RYR3: variants seen among roughly 807,000 people sequenced by gnomAD.
RYR3 encodes ryanodine receptor 3.
Under a neutral mutation model 584.3 loss-of-function variants are expected in RYR3, and 207 were observed. The observed-to-expected ratio is 0.35, with a 90% CI of 0.32 to 0.40. The LOEUF (loss-of-function observed/expected upper bound fraction) is 0.40. RYR3 is among the 10% of genes least tolerant of loss of function. The pLI, the probability that RYR3 is intolerant of heterozygous loss-of-function variation, is 1.00. For synonymous variants in RYR3, 2,416 were observed against 2,248.5 expected, an observed-to-expected ratio of 1.07 and a Z score of -2.11; for missense variants, 5,616 against 6,089.2, an observed-to-expected ratio of 0.92 and a Z score of 2.59.
intron 38 of RYR3, among the ~76,000 whole-genome samples, chr15:33,671,480 C>T (rs908432757): frequency 6.6e-5 from 10 of 152,174 alleles, no homozygotes; most frequent in Admixed American, 2.0e-4. Context: ...CCCTTTATAT[C>T]GACCTTTCAA....
At position 33,639,497 on chromosome 15, in the gene RYR3, T is replaced by C. The variant is rs117488350; in HGVS notation, c.3556+2947T>C. Among the ~76,000 whole-genome samples the C allele has an allele frequency of 2.8e-4, 42 of 152,290 alleles. No individual in the cohort carries two copies. In the East Asian group the frequency reaches 7.9e-3, roughly 29 times the overall value. On this transcript the variant is annotated intron_variant, in intron 27 of 103. Transcript: ENST00000634891. ...TGGAAAGAGGTAGCAATTCTTGCCTTGAGTTGTTAAGAAAAGCATCTGTTG... is the reference window on the plus strand; with the variant it reads ...TGGAAAGAGGTAGCAATTCTTGCCTCGAGTTGTTAAGAAAAGCATCTGTTG...
At chr15:33,861,035 T>C (rs1486672687) in intron 101 of RYR3, 43 bp from the exon 102 acceptor site, 7 of 1,395,114 alleles carry the variant, frequency 5.0e-6, no homozygotes, top group Non-Finnish European at 7.0e-6. Flanking sequence ...CTCCTGCCTA[T>C]ATTATGCCAA....
intron 9 of RYR3, among the ~76,000 whole-genome samples, chr15:33,549,068 CGTT>C (rs1475446136): frequency 2.8e-5 from 2 of 71,580 alleles, no homozygotes; most frequent in Non-Finnish European, 4.2e-5. Flanking sequence ...CATATGCACA[CGTT>C]TTTTTTTTCT....
At chr15:33,794,326 T>A (rs1404434952) in intron 67 of RYR3, among the ~76,000 whole-genome samples, 1 of 31,768 alleles carries the variant, frequency 3.1e-5, no homozygotes, top group East Asian at 0.024. Context: ...TATATATTTT[T>A]ATATATGTTT....
At chr15:33,748,386 T>G in intron 54 of RYR3, 82 bp from the exon 55 acceptor site, 1 of 1,541,978 alleles carries the variant, frequency 6.5e-7, no homozygotes, top group Non-Finnish European at 8.9e-7. Flanking sequence ...TCAGGACACA[T>G]TTTTGACAGC....
At chr15:33,649,930 G>A (rs139737533) in intron 31 of RYR3, among the ~76,000 whole-genome samples, 7 of 152,308 alleles carry the variant, frequency 4.6e-5, no homozygotes, top group Admixed American at 6.5e-5. Flanking sequence ...CATATGTAGC[G>A]ATGTCATAAG....
At chr15:33,403,663 A>G (rs1016427644) in intron 1 of RYR3, among the ~76,000 whole-genome samples, 1 of 152,254 alleles carries the variant, frequency 6.6e-6, no homozygotes, top group Admixed American at 6.5e-5. Context: ...ATGTAATTTT[A>G]GAAAACATAA....
In RYR3 at chr15:33,856,488, T is replaced by G. The variant is rs549992348; in HGVS notation, c.14008-1292T>G. ...TGGAAGTAAGCGTGCCCTAGGACACTGCAAAGGGCCTGGGCAGAATTCTCT... is the reference window on the plus strand; with the variant it reads ...TGGAAGTAAGCGTGCCCTAGGACACGGCAAAGGGCCTGGGCAGAATTCTCT... On this transcript the variant is annotated intron_variant, in intron 98 of 103. Transcript: ENST00000634891. 4 of 152,416 alleles carry G rather than the reference T, an allele frequency of 2.6e-5. No homozygotes were observed. The East Asian group carries it at 7.7e-4, about 29-fold the overall frequency. The allele number at this position is 152,416 out of a possible 1,614,324, so 9.4% of individuals were successfully genotyped here. A position where few individuals can be genotyped will look rare whatever the true frequency, so the allele number is the denominator to read the frequency against.
At position 33,838,867 on chromosome 15, in the gene RYR3, C is replaced by G. The variant is rs770116543; in HGVS notation, c.12887C>G (p.Pro4296Arg). ...AAAGAGGGCAGCTTAAAGCATGGGC[C>G]TGAAGTGGGTTTGGGTGACCTCTCA... ...PKKEGSLKHG[P>R]EVGLGDLSEI... The change falls in exon 89 of 104, where the codon CCT becomes CGT. Residue 4296 changes from proline (P) to arginine (R), a missense_variant. This residue lies in a region of RYR3 where 918 missense variants were observed against 887.4 expected (regional missense o/e 1.03). Coordinates refer to ENST00000634891, the MANE Select transcript of RYR3 (RefSeq NM_001036.6). The G allele has an allele frequency of 1.4e-5, 23 of 1,613,848 alleles. No individual in the cohort carries two copies. Among genetic ancestry groups the G allele is most frequent in the African/African-American group, 2.7e-5 (2 of 74,914 alleles).
At chr15:33,623,719 G>A (rs2060842580) in intron 19 of RYR3, 88 bp from the exon 20 acceptor site, 8 of 901,122 alleles carry the variant, frequency 8.9e-6, no homozygotes, top group Non-Finnish European at 1.2e-5. Context: ...TTGAGGGTGG[G>A]AGGTAGGGAT....
intron 3 of RYR3, among the ~76,000 whole-genome samples, chr15:33,511,880 G>T (rs1219595836): frequency 6.6e-6 from 1 of 152,126 alleles, no homozygotes; most frequent in African/African-American, 2.4e-5. Context: ...CCGGGTTCAC[G>T]CCATTCTCCT....
At chr15:33,774,538 A>G (rs2073860441) in intron 64 of RYR3, among the ~76,000 whole-genome samples, 1 of 152,232 alleles carries the variant, frequency 6.6e-6, no homozygotes, top group Non-Finnish European at 1.5e-5. Flanking sequence ...AAGATGAAAT[A>G]AAAGACTTCA....
intron 67 of RYR3, among the ~76,000 whole-genome samples, chr15:33,790,960 C>G (rs1182065697): frequency 2.6e-5 from 4 of 152,126 alleles, no homozygotes; most frequent in Non-Finnish European, 5.9e-5. Flanking sequence ...AAGATGAGAA[C>G]TGAGACTGGG....
chr15:33,862,071 CAG>C (rs1236972842), intron 102 of RYR3, among the ~76,000 whole-genome samples: 1 of 151,952 alleles, frequency 6.6e-6, no homozygotes, highest in African/African-American at 2.4e-5. Context: ...AAACTTAAAA[CAG>C]AATGTATAGA....
At chr15:33,691,451 A>G (rs927239623) in intron 38 of RYR3, among the ~76,000 whole-genome samples, 1 of 152,234 alleles carries the variant, frequency 6.6e-6, no homozygotes, top group Admixed American at 6.5e-5. Flanking sequence ...TTTTCACTTG[A>G]AAGGTCAAAT....
At chr15:33,547,882 C>T (rs2056365077) in intron 8 of RYR3, among the ~76,000 whole-genome samples, 1 of 152,134 alleles carries the variant, frequency 6.6e-6, no homozygotes, top group Non-Finnish European at 1.5e-5. Context: ...CCCTTGTATA[C>T]CTGATGATGC....
At chr15:33,687,576 A>T (rs2152749974) in intron 38 of RYR3, among the ~76,000 whole-genome samples, 1 of 152,322 alleles carries the variant, frequency 6.6e-6, no homozygotes, top group East Asian at 1.9e-4. Context: ...TAAAGTTAAT[A>T]TGGAACCAAA....
At position 33,748,190 on chromosome 15, in the gene RYR3, C is replaced by G. The variant is rs1249446520; in HGVS notation, c.8066C>G (p.Thr2689Ser). 6 of 1,613,742 alleles carry G rather than the reference C, an allele frequency of 3.7e-6. No individual in the cohort carries two copies. Among genetic ancestry groups the G allele is most frequent in the Non-Finnish European group, 4.2e-6 (5 of 1,179,848 alleles). ...GCTGTGGGCTGGACTGTGGAGAGGA[C>G]CAAAGAGGGAGAAGCTTTGGTTCAA... is the stretch of plus-strand genomic sequence containing the variant. ...MLAVGWTVERTKEGEALVQQR... is the reference protein window; with the variant it reads ...MLAVGWTVERSKEGEALVQQR... The change falls in exon 54 of 104, where the codon ACC (threonine) becomes AGC (serine). Residue 2689 changes from threonine to serine, a missense_variant. By Grantham distance (58) the Thr-to-Ser change is moderately conservative (BLOSUM62 1). This residue lies in a region of RYR3 where 1,280 missense variants were observed against 1,426.2 expected (regional missense o/e 0.90). Coordinates refer to ENST00000634891, the MANE Select transcript of RYR3 (RefSeq NM_001036.6).
intron 38 of RYR3, among the ~76,000 whole-genome samples, chr15:33,691,967 C>T (rs746665660): frequency 6.6e-6 from 1 of 152,190 alleles, no homozygotes; most frequent in Non-Finnish European, 1.5e-5. Flanking sequence ...TTTATGAAAA[C>T]ACATTTGGAC....
Sources: allele counts gnomAD v4.1 joint callset (sites outside exome capture counted in the v4.1 genomes callset), GRCh38; gene constraint gnomAD v4.1.1; regional missense constraint gnomAD v4.1.1; transcripts MANE v1.5; gene names NCBI Gene and HGNC (gene_info 2026-07-23, HGNC 2026-07-21).